AQP8: variants seen among roughly 807,000 people sequenced by gnomAD.
AQP8 encodes the protein aquaporin-8.
In AQP8, 14 loss-of-function variants were observed where a neutral mutation model predicts 26.1. That is an observed-to-expected ratio of 0.54 (90% CI 0.35 to 0.84). AQP8 has a LOEUF of 0.84. Ranked by LOEUF, AQP8 falls within the 40% of genes least tolerant of loss-of-function variation. AQP8 has a pLI of 0.01. For missense variants in AQP8, 301 were observed against 340.5 expected (o/e 0.88, Z 0.91); for synonymous variants, 131 against 150.7 (o/e 0.87, Z 0.96).
At chr16:25,226,445 C>T (rs1205360153) in intron 4 of AQP8, among the ~76,000 whole-genome samples, 1 of 152,110 alleles carries the variant, frequency 6.6e-6, no homozygotes, top group Non-Finnish European at 1.5e-5. Flanking sequence ...TTAATACAGA[C>T]AGGGTTTCAC....
chr16:25,217,149 C>T, intron 1 of AQP8, 49 bp from the exon 2 acceptor site: 1 of 1,613,336 alleles, frequency 6.2e-7, no homozygotes. Context: ...CCTTCTATAT[C>T]TGGACTTGCC....
At chr16:25,220,034 CAA>C (rs112532302) in intron 2 of AQP8, among the ~76,000 whole-genome samples, 1 of 136,332 alleles carries the variant, frequency 7.3e-6, no homozygotes. Context: ...GACCCTGTCT[CAA>C]AAAAAAAAAC....
rs1332356165 is a variant in AQP8, at chr16:25,228,780, T to A, written c.*288T>A. 6 of 307,952 alleles carry A rather than the reference T, an allele frequency of 1.9e-5. No homozygotes were observed. The highest frequency in any genetic ancestry group is 3.6e-5 in the Non-Finnish European group (6 of 165,776). 19.1% of individuals were successfully genotyped at this position (307,952 alleles called of 1,614,324 possible). ...ACGAGCGTGTTTCTTGAGAGGAATG[T>A]CCCCGAGTTGGACAAGGAGGCTGTT... On this transcript the variant is annotated 3_prime_UTR_variant, in exon 6 of 6. Coordinates refer to ENST00000219660, the MANE Select transcript of AQP8 (RefSeq NM_001169.3).
At position 25,221,544 on chromosome 16, in the gene AQP8, A is replaced by G. The variant is rs765460410; in HGVS notation, c.348A>G (p.Ser116=). The G allele has an allele frequency of 4.6e-5, 74 of 1,613,536 alleles. No individual in the cohort carries two copies. The highest frequency in any genetic ancestry group is 5.3e-5 in the Non-Finnish European group (62 of 1,179,712). The change falls in exon 3 of 6, where the codon TCA becomes TCG. Residue 116 remains serine, a synonymous_variant. Transcript: ENST00000219660. ...TGATGCTCCTCCCGTACTGGGTCTC[A>G]CAGCTGCTCGGGGGGATGCTCGGGG... The part of the protein sequence containing the change: ...NLVMLLPYWV[S]QLLGGMLGAA...
chr16:25,228,341 G>T, intron 5 of AQP8, 103 bp from the exon 6 acceptor site: 1 of 1,040,582 alleles, frequency 9.6e-7, no homozygotes, highest in Non-Finnish European at 1.5e-6. Flanking sequence ...GGCTGGGGAG[G>T]CTCAGGAAGT....
At position 25,217,242 on chromosome 16, in the gene AQP8, G is replaced by A; in HGVS notation, c.57G>A (p.Glu19=). The change falls in exon 2 of 6, where the codon GAG becomes GAA. Residue 19 remains glutamate, a synonymous_variant. Coordinates refer to ENST00000219660, the MANE Select transcript of AQP8 (RefSeq NM_001169.3). ...EPEFGNDKAR[E]PSVGGRWRVS... ...AATTTGGCAATGACAAGGCCAGGGA[G>A]CCGAGCGTGGGTGGCAGGTGGCGAG... 6.2e-7 allele frequency: 1 copy of A among 1,614,228 alleles called. No individual in the cohort carries two copies. The highest frequency in any genetic ancestry group is 8.5e-7 in the Non-Finnish European group (1 of 1,180,044).
intron 3 of AQP8, among the ~76,000 whole-genome samples, chr16:25,223,121 T>G (rs1465673066): frequency 6.6e-6 from 1 of 152,246 alleles, no homozygotes; most frequent in East Asian, 1.9e-4. Context: ...GCTGTCAGTA[T>G]CATCCCTATT....
chr16:25,221,598 G>A lies in AQP8; in HGVS notation c.387+15G>A, dbSNP rs777389333. The A allele has an allele frequency of 6.2e-7, 1 of 1,613,902 alleles. No homozygotes were observed. Among genetic ancestry groups the A allele is most frequent in the East Asian group, 2.2e-5 (1 of 44,876 alleles). On this transcript the variant is annotated intron_variant, in intron 3 of 5. Transcript: ENST00000219660. ...CCTTGGCCAAGGTGGGTAAACCCCA[G>A]GGGCTGGGCTAGTCTTCCTCTCTGA... is the stretch of plus-strand genomic sequence containing the variant.
intron 3 of AQP8, among the ~76,000 whole-genome samples, chr16:25,221,806 C>T (rs1211742846): frequency 6.6e-6 from 1 of 152,088 alleles, no homozygotes; most frequent in East Asian, 1.9e-4. Context: ...CTTGCTCTGT[C>T]ACCCAGGCTG....
intron 2 of AQP8, 91 bp downstream of exon 2, chr16:25,217,536 C>A (rs535139616): frequency 3.3e-6 from 5 of 1,520,914 alleles, no homozygotes; most frequent in Admixed American, 2.0e-5. Context: ...TGGGCGCATA[C>A]GTATTCGGGA....
chr16:25,221,620 CTGA>C, intron 3 of AQP8, 37 bp downstream of exon 3: 1 of 1,611,652 alleles, frequency 6.2e-7, no homozygotes, highest in Non-Finnish European at 8.5e-7. Context: ...GTCTTCCTCT[CTGA>C]TGGGGCTGCT....
chr16:25,220,461 T>G (rs1962546735), intron 2 of AQP8, among the ~76,000 whole-genome samples: 1 of 152,154 alleles, frequency 6.6e-6, no homozygotes, highest in Non-Finnish European at 1.5e-5. Flanking sequence ...GTTGAACATC[T>G]TGGTGAACAC....
chr16:25,224,666 T>G, intron 4 of AQP8, 90 bp downstream of exon 4: 2 of 1,350,866 alleles, frequency 1.5e-6, no homozygotes, highest in Non-Finnish European at 2.0e-6. Context: ...CAGATTCAGT[T>G]GCTATTAGGG....
At chr16:25,224,653 T>G (rs924646325) in intron 4 of AQP8, 77 bp downstream of exon 4, 11 of 1,442,520 alleles carry the variant, frequency 7.6e-6, no homozygotes, top group African/African-American at 2.8e-5. Context: ...GGCCTGAGGG[T>G]CACAGATTCA....
chr16:25,225,552 G>A (rs59679060), intron 4 of AQP8, among the ~76,000 whole-genome samples: 3,738 of 151,150 alleles, frequency 0.025, 165 homozygotes, highest in African/African-American at 0.087. Flanking sequence ...GACTACAGGC[G>A]TCCGCCACCA....
In AQP8 at chr16:25,228,630, C is replaced by T. The variant is rs952386980; in HGVS notation, c.*138C>T. 3 of 829,410 alleles carry T rather than the reference C, an allele frequency of 3.6e-6. No homozygotes were observed. Among genetic ancestry groups the T allele is most frequent in the Non-Finnish European group, 3.9e-6 (2 of 511,588 alleles). 51.4% of individuals were successfully genotyped at this position (829,410 alleles called of 1,614,324 possible). On this transcript the variant is annotated 3_prime_UTR_variant, in exon 6 of 6. Transcript: ENST00000219660. ...CCCCTGCTTCCACTGCTTGGGCCTG[C>T]TTTCTCAGATAGACTGACTGCTGAG...
chr16:25,221,592 A>C lies in AQP8; in HGVS notation c.387+9A>C. 2 of 1,613,622 alleles carry C rather than the reference A, an allele frequency of 1.2e-6. No individual in the cohort carries two copies. Among genetic ancestry groups the C allele is most frequent in the South Asian group, 1.1e-5 (1 of 91,040 alleles). Reference sequence around the variant, plus strand: ...GGGCTGCCTTGGCCAAGGTGGGTAAACCCCAGGGGCTGGGCTAGTCTTCCT... The same window carrying C: ...GGGCTGCCTTGGCCAAGGTGGGTAACCCCCAGGGGCTGGGCTAGTCTTCCT... On this transcript the variant is annotated intron_variant, in intron 3 of 5. Coordinates refer to ENST00000219660, the MANE Select transcript of AQP8 (RefSeq NM_001169.3).
At chr16:25,224,660 T>G in intron 4 of AQP8, 84 bp downstream of exon 4, 1 of 1,401,084 alleles carries the variant, frequency 7.1e-7, no homozygotes, top group Non-Finnish European at 9.7e-7. Context: ...GGGTCACAGA[T>G]TCAGTTGCTA....
chr16:25,221,529 C>T lies in AQP8; in HGVS notation c.333C>T (p.Leu111=), dbSNP rs1033897082. The T allele has an allele frequency of 1.9e-6, 3 of 1,614,114 alleles. No individual in the cohort carries two copies. Among genetic ancestry groups the T allele is most frequent in the East Asian group, 2.2e-5 (1 of 44,856 alleles). ...LIGGLNLVML[L]PYWVSQLLGG... is the part of the protein sequence containing the mutation. ...GAGGCCTCAACCTGGTGATGCTCCT[C>T]CCGTACTGGGTCTCACAGCTGCTCG... Residue 111 remains leucine (L), a synonymous_variant, in exon 3 of 6, where the codon CTC becomes CTT. Coordinates refer to ENST00000219660, the MANE Select transcript of AQP8 (RefSeq NM_001169.3).
Sources: gnomAD v4.1 joint callset for allele counts (sites outside exome capture counted in the v4.1 genomes callset) on GRCh38, gnomAD v4.1.1 for gene constraint, MANE v1.5 for transcripts, NCBI Gene and HGNC (gene_info 2026-07-23, HGNC 2026-07-21) for gene names.